MDGA2: variants seen among roughly 807,000 people sequenced by gnomAD.
MDGA2 encodes MAM domain-containing glycosylphosphatidylinositol anchor protein 2.
MDGA2 carries 40 observed loss-of-function variants against 117.8 expected under a neutral mutation model. That is an observed-to-expected ratio of 0.34 (90% CI 0.26 to 0.44). The LOEUF (loss-of-function observed/expected upper bound fraction) is 0.44, where lower values mean the gene tolerates loss of function less well. MDGA2 is among the 20% of genes least tolerant of loss of function. The pLI is 1.00. For missense variants in MDGA2, 1,123 were observed against 1,250.6 expected, an observed-to-expected ratio of 0.90 and a Z score of 1.54; for synonymous variants, 452 against 439.0, an observed-to-expected ratio of 1.03 and a Z score of -0.37.
chr14:47,300,827 C>T (rs17739738), intron 2 of MDGA2, among the ~76,000 whole-genome samples: 23,217 of 151,940 alleles, frequency 0.15, 1,944 homozygotes, highest in Middle Eastern at 0.22. Flanking sequence ...AATTTTAGTG[C>T]CCTTTAAAAG....
At chr14:47,590,165 C>G (rs933942493) in intron 1 of MDGA2, among the ~76,000 whole-genome samples, 4 of 151,838 alleles carry the variant, frequency 2.6e-5, no homozygotes, top group African/African-American at 4.8e-5. Flanking sequence ...CCTTTCCAAT[C>G]TAGATACCAT....
chr14:47,209,929 T>C (rs1885821313), intron 3 of MDGA2, among the ~76,000 whole-genome samples: 1 of 152,152 alleles, frequency 6.6e-6, no homozygotes. Context: ...AGGATTTACA[T>C]AAAGGATTGT....
intron 8 of MDGA2, among the ~76,000 whole-genome samples, chr14:47,009,839 G>A (rs777671922): frequency 2.1e-4 from 32 of 152,042 alleles, no homozygotes; most frequent in Middle Eastern, 3.4e-3. Context: ...CCTTGCGTCC[G>A]AGCTGTGCCT....
At chr14:46,895,927 G>A (rs554073179) in intron 10 of MDGA2, among the ~76,000 whole-genome samples, 2 of 152,068 alleles carry the variant, frequency 1.3e-5, no homozygotes, top group African/African-American at 2.4e-5. Context: ...GGTGAGTACC[G>A]ATTACTGTCC....
At chr14:47,102,460 T>G (rs1018360651) in intron 5 of MDGA2, among the ~76,000 whole-genome samples, 1 of 151,730 alleles carries the variant, frequency 6.6e-6, no homozygotes, top group African/African-American at 2.4e-5. Flanking sequence ...AATTTTAAAA[T>G]GCTCAGGTAG....
chr14:47,399,236 C>T (rs1369953496), intron 1 of MDGA2, among the ~76,000 whole-genome samples: 3 of 152,028 alleles, frequency 2.0e-5, no homozygotes, highest in African/African-American at 7.2e-5. Flanking sequence ...AAGTATACCA[C>T]AACACCACAA....
At chr14:47,210,299 A>G (rs1885835446) in intron 3 of MDGA2, among the ~76,000 whole-genome samples, 1 of 152,210 alleles carries the variant, frequency 6.6e-6, no homozygotes, top group Admixed American at 6.5e-5. Flanking sequence ...TGGATATTGG[A>G]AAAGATTTGT....
At chr14:47,257,895 T>A (rs1887675655) in intron 2 of MDGA2, among the ~76,000 whole-genome samples, 1 of 152,170 alleles carries the variant, frequency 6.6e-6, no homozygotes, top group Admixed American at 6.5e-5. Context: ...CTCATGTATT[T>A]TTTTATTGAC....
chr14:47,570,863 A>G (rs2138820235), intron 1 of MDGA2, among the ~76,000 whole-genome samples: 1 of 152,336 alleles, frequency 6.6e-6, no homozygotes, highest in South Asian at 2.1e-4. Context: ...CTTCATGACT[A>G]AAATACAAAA....
chr14:47,350,146 C>G (rs1890847471), intron 1 of MDGA2, among the ~76,000 whole-genome samples: 1 of 152,180 alleles, frequency 6.6e-6, no homozygotes, highest in African/African-American at 2.4e-5. Context: ...CTTTACTACT[C>G]CCCCAGGACA....
chr14:47,037,511 G>T (rs1888899074), intron 7 of MDGA2, among the ~76,000 whole-genome samples: 1 of 152,144 alleles, frequency 6.6e-6, no homozygotes, highest in African/African-American at 2.4e-5. Flanking sequence ...TGACAAATTG[G>T]ACAAAATCCC....
intron 10 of MDGA2, among the ~76,000 whole-genome samples, chr14:46,901,869 A>T (rs1883299920): frequency 6.6e-6 from 1 of 152,202 alleles, no homozygotes; most frequent in African/African-American, 2.4e-5. Context: ...TCTGAAAGTA[A>T]ACTCAAAAAG....
At position 46,905,787 on chromosome 14, in the gene MDGA2, GAAACA is replaced by G. The variant is rs752364586; in HGVS notation, c.2238+14220_2238+14224del. On this transcript the variant is annotated intron_variant, in intron 10 of 16. Coordinates refer to ENST00000399232, the MANE Select transcript of MDGA2 (RefSeq NM_001113498.3). ...TGAAATCTTTGAAAATTAGATAACTGAAACAAAACAAAACAAAAAAACACAAATCT... is the reference window on the plus strand; with the variant it reads ...TGAAATCTTTGAAAATTAGATAACTGAAACAAAACAAAAAAACACAAATCT... Among the ~76,000 whole-genome samples the G allele has an allele frequency of 2.2e-4, 33 of 151,976 alleles. No homozygotes were observed. The Middle Eastern group carries it at 0.017, about 78-fold the overall frequency.
intron 1 of MDGA2, among the ~76,000 whole-genome samples, chr14:47,558,221 A>G (rs1895724145): frequency 6.6e-6 from 1 of 152,180 alleles, no homozygotes. Flanking sequence ...TCTAAAAATA[A>G]CATTACTCTT....
intron 8 of MDGA2, among the ~76,000 whole-genome samples, chr14:47,032,741 G>T (rs1888706833): frequency 6.6e-6 from 1 of 152,200 alleles, no homozygotes; most frequent in Admixed American, 6.5e-5. Context: ...ATGAACCTTT[G>T]ATGTACTCAG....
At chr14:47,116,888 C>T (rs1253730390) in intron 5 of MDGA2, among the ~76,000 whole-genome samples, 1 of 149,474 alleles carries the variant, frequency 6.7e-6, no homozygotes, top group East Asian at 2.0e-4. Context: ...GCATAGAAAA[C>T]AACAACAAAA....
intron 1 of MDGA2, among the ~76,000 whole-genome samples, chr14:47,455,321 C>T (rs1369419190): frequency 6.6e-6 from 1 of 152,080 alleles, no homozygotes; most frequent in African/African-American, 2.4e-5. Context: ...GCCTGGCCAA[C>T]ATGGTGAAAC....
rs1555342235 is a variant in MDGA2 at position 47,000,400 on chromosome 14, A to AT, written c.1819+34610_1819+34611insA. Among the ~76,000 whole-genome samples the AT allele has an allele frequency of 4.3e-5, 5 of 115,602 alleles. No homozygotes were observed. The East Asian group carries it at 7.0e-4, about 16-fold the overall frequency. 75.8% of individuals were successfully genotyped at this position (115,602 alleles called of 152,430 possible). ...ATTTATATATATATATTTATATATA[A>AT]ATATATATTTATATATATACACATA... On this transcript the variant is annotated intron_variant, in intron 8 of 16. Coordinates refer to ENST00000399232, the MANE Select transcript of MDGA2 (RefSeq NM_001113498.3).
intron 1 of MDGA2, among the ~76,000 whole-genome samples, chr14:47,600,273 T>G (rs892974458): frequency 2.0e-4 from 31 of 151,734 alleles, no homozygotes; most frequent in Non-Finnish European, 3.4e-4. Flanking sequence ...TTTTCGTATT[T>G]TGTATTTTTT....
Sources: gnomAD v4.1 joint callset for allele counts (sites outside exome capture counted in the v4.1 genomes callset) on GRCh38, gnomAD v4.1.1 for gene constraint, MANE v1.5 for transcripts, NCBI Gene and HGNC (gene_info 2026-07-23, HGNC 2026-07-21) for gene names.